CLHC1: variants seen among roughly 807,000 people sequenced by gnomAD.
CLHC1 encodes clathrin heavy chain linker domain containing 1.
Under a neutral mutation model 69.5 loss-of-function variants are expected in CLHC1, and 72 were observed. The ratio of observed to expected loss-of-function variants is 1.04; its 90% CI spans 0.86 to 1.26. The LOEUF is 1.26. Ranked by LOEUF, CLHC1 falls within the 50% of genes most tolerant of loss-of-function variation. The probability of loss-of-function intolerance (pLI) is 0.00; values close to 1 mark genes in which losing one functional copy is unlikely to be tolerated. For missense variants in CLHC1, 790 were observed against 679.3 expected, an observed-to-expected ratio of 1.16 and a Z score of -1.81; for synonymous variants, 223 against 224.3, an observed-to-expected ratio of 0.99 and a Z score of 0.05.
intron 1 of CLHC1, among the ~76,000 whole-genome samples, chr2:55,230,857 G>A (rs1016627018): frequency 2.0e-5 from 3 of 152,208 alleles, no homozygotes; most frequent in African/African-American, 7.2e-5. Flanking sequence ...CCTGACAGGA[G>A]TGGGTTCAGA....
In CLHC1 at chr2:55,214,235, C is replaced by T. The variant is rs377325150; in HGVS notation, c.366-1429G>A. 5.5e-4 allele frequency among the ~76,000 whole-genome samples: 83 copies of T among 152,102 alleles called. 1 individual carries two copies. The highest frequency in any genetic ancestry group is 1.8e-4 in the Non-Finnish European group (12 of 68,014). On this transcript the variant is annotated intron_variant, in intron 4 of 12. Coordinates refer to ENST00000401408, the MANE Select transcript of CLHC1 (RefSeq NM_152385.4). ...AAATTAAAAACAAGTTTGGGCTGGG[C>T]GCGGTGGCTCATGCCTGTAATCCCA...
In CLHC1 at chr2:55,226,060, C is replaced by T. The variant is rs543082170; in HGVS notation, c.-83+1972G>A. ...CAAAAAAATTAGCCGGGTGTGGTGG[C>T]GGGCGCCTGTAGTCCCAGCTACTCA... On this transcript the variant is annotated intron_variant, in intron 2 of 12. Coordinates refer to ENST00000401408, the MANE Select transcript of CLHC1 (RefSeq NM_152385.4). Among the ~76,000 whole-genome samples the T allele has an allele frequency of 9.3e-4, 142 of 152,042 alleles. 3 individuals are homozygous for T. Among genetic ancestry groups the T allele is most frequent in the Non-Finnish European group, 5.9e-5 (4 of 67,986 alleles).
intron 9 of CLHC1, among the ~76,000 whole-genome samples, chr2:55,198,936 G>C (rs1038228392): frequency 1.1e-4 from 17 of 152,118 alleles, no homozygotes; most frequent in African/African-American, 3.9e-4. Context: ...AAACACGAAG[G>C]AGAAATAAAG....
intron 9 of CLHC1, among the ~76,000 whole-genome samples, chr2:55,202,321 C>T (rs533082399): frequency 6.6e-5 from 10 of 150,764 alleles, no homozygotes; most frequent in Admixed American, 1.3e-4. Flanking sequence ...TTTGGGAGAC[C>T]GAGGTGTGCG....
intron 9 of CLHC1, among the ~76,000 whole-genome samples, chr2:55,197,960 G>A (rs975648491): frequency 6.6e-6 from 1 of 152,128 alleles, no homozygotes; most frequent in Admixed American, 6.6e-5. Flanking sequence ...AGATAACACA[G>A]AGAAGGAATC....
Position 55,175,579 on chromosome 2 carries a change from T to G in CLHC1, c.*211A>C, listed in dbSNP as rs1461983867. On this transcript the variant is annotated 3_prime_UTR_variant, in exon 13 of 13. Coordinates refer to ENST00000401408, the MANE Select transcript of CLHC1 (RefSeq NM_152385.4). ...TTATAATCTTGGATTTTATCAAGATTCAATATAAGAAATGACCATATGGGG... is the reference window on the plus strand; with the variant it reads ...TTATAATCTTGGATTTTATCAAGATGCAATATAAGAAATGACCATATGGGG... 2.0e-6 allele frequency: 1 copy of G among 511,992 alleles called. No homozygotes were observed. The highest frequency in any genetic ancestry group is 3.0e-5 in the East Asian group (1 of 33,380). The allele number at this position is 511,992 out of a possible 1,614,324, so 31.7% of individuals were successfully genotyped here.
intron 9 of CLHC1, among the ~76,000 whole-genome samples, chr2:55,203,814 T>C (rs1484038860): frequency 1.3e-5 from 2 of 151,992 alleles, no homozygotes; most frequent in Non-Finnish European, 2.9e-5. Flanking sequence ...ACAAATGGGA[T>C]CACATCAAGG....
At chr2:55,227,456 G>C (rs557652417) in intron 2 of CLHC1, among the ~76,000 whole-genome samples, 2 of 152,082 alleles carry the variant, frequency 1.3e-5, no homozygotes, top group Admixed American at 1.3e-4. Flanking sequence ...GAGGCAGGCA[G>C]ATCACGAGAT....
At chr2:55,198,970 G>A (rs1049491556) in intron 9 of CLHC1, among the ~76,000 whole-genome samples, 2 of 152,106 alleles carry the variant, frequency 1.3e-5, no homozygotes, top group Non-Finnish European at 2.9e-5. Flanking sequence ...AACAAGCTGA[G>A]GGATTTCATC....
intron 9 of CLHC1, among the ~76,000 whole-genome samples, chr2:55,195,055 T>C (rs1671278001): frequency 6.6e-6 from 1 of 152,166 alleles, no homozygotes; most frequent in African/African-American, 2.4e-5. Context: ...TAGCTGGTAC[T>C]ACAGGTATGT....
chr2:55,181,217 G>C (rs1669902453), intron 10 of CLHC1, among the ~76,000 whole-genome samples: 1 of 152,116 alleles, frequency 6.6e-6, no homozygotes, highest in Non-Finnish European at 1.5e-5. Flanking sequence ...CTGACCTCAA[G>C]TCATCTGCCC....
rs527655698 is a variant in CLHC1, at chr2:55,188,618, T to C, written c.1007-6874A>G. On this transcript the variant is annotated intron_variant, in intron 9 of 12. Transcript: ENST00000401408. ...CTTAGATACATATCCCAGAGAAGTT[T>C]ACATACATGCACCAGGATATATTTT... 4.5e-4 allele frequency among the ~76,000 whole-genome samples: 68 copies of C among 152,320 alleles called. 1 individual carries two copies. The highest frequency in any genetic ancestry group is 1.5e-3 in the African/African-American group (62 of 41,556).
intron 7 of CLHC1, among the ~76,000 whole-genome samples, chr2:55,209,128 C>T (rs1015927608): frequency 1.3e-5 from 2 of 152,122 alleles, no homozygotes; most frequent in African/African-American, 4.8e-5. Flanking sequence ...CCGTCTCAGC[C>T]TCCCAAAGTG....
At chr2:55,209,017 C>T (rs546002397) in intron 7 of CLHC1, among the ~76,000 whole-genome samples, 17 of 151,978 alleles carry the variant, frequency 1.1e-4, no homozygotes, top group Admixed American at 1.1e-3. Flanking sequence ...ACTACAGGTG[C>T]CTGCAACCAC....
rs1327471422 is a variant in CLHC1 at position 55,227,684 on chromosome 2, A to AAT, written c.-83+347_-83+348insAT. Among the ~76,000 whole-genome samples, 3 of 151,428 alleles carry AAT rather than the reference A, an allele frequency of 2.0e-5. 1 individual carries two copies. Among genetic ancestry groups the AAT allele is most frequent in the Non-Finnish European group, 2.9e-5 (2 of 67,848 alleles). ...TAGAGCAAGACTCCATCTCAAAAAA[A>AAT]AAAAAAAAGTAAAAGATAAAAGTCA... On this transcript the variant is annotated intron_variant, in intron 2 of 12. Coordinates refer to ENST00000401408, the MANE Select transcript of CLHC1 (RefSeq NM_152385.4).
chr2:55,197,982 C>T (rs186967863), intron 9 of CLHC1, among the ~76,000 whole-genome samples: 30 of 152,176 alleles, frequency 2.0e-4, no homozygotes, highest in African/African-American at 5.3e-4. Context: ...AGAATCCTAT[C>T]GGAAAAATTT....
intron 11 of CLHC1, 76 bp from the exon 12 acceptor site, chr2:55,177,857 T>A: frequency 9.6e-7 from 1 of 1,039,124 alleles, no homozygotes; most frequent in Non-Finnish European, 1.4e-6. Flanking sequence ...CTAGCTAATG[T>A]CTATACCTGC....
chr2:55,172,749 C>T lies in CLHC1; in HGVS notation c.*3041G>A, dbSNP rs1248884789. On this transcript the variant is annotated 3_prime_UTR_variant, in exon 13 of 13. Transcript: ENST00000401408. ...GCTATGATTTTTGACTTAACATATG[C>T]TTTAGCAATCCAACAGAATTCCAGG... Among the ~76,000 whole-genome samples, 1 of 148,926 alleles carries T rather than the reference C, an allele frequency of 6.7e-6. No individual in the cohort carries two copies. Among genetic ancestry groups the T allele is most frequent in the Non-Finnish European group, 1.5e-5 (1 of 67,564 alleles).
intron 1 of CLHC1, among the ~76,000 whole-genome samples, chr2:55,231,112 T>C (rs1047777309): frequency 1.3e-5 from 2 of 151,814 alleles, no homozygotes; most frequent in Non-Finnish European, 2.9e-5. Context: ...TAGCCGGGTG[T>C]GGTGGTGGGC....
Sources: gnomAD v4.1 joint callset for allele counts (sites outside exome capture counted in the v4.1 genomes callset) on GRCh38, gnomAD v4.1.1 for gene constraint, MANE v1.5 for transcripts, NCBI Gene and HGNC (gene_info 2026-07-23, HGNC 2026-07-21) for gene names.